TENM4: variants seen among roughly 807,000 people sequenced by gnomAD.
TENM4 encodes the protein teneurin-4.
TENM4 carries 82 observed loss-of-function variants against 243.3 expected under a neutral mutation model. The observed-to-expected ratio is 0.34, with a 90% confidence interval of 0.28 to 0.40. TENM4 has a LOEUF of 0.40. Ranked by LOEUF, TENM4 falls within the 10% of genes least tolerant of loss-of-function variation. TENM4 has a pLI of 1.00. For synonymous variants in TENM4, 1,412 were observed against 1,456.3 expected (o/e 0.97, Z 0.69); for missense variants, 3,138 against 3,673.3 (o/e 0.85, Z 3.77).
Position 79,424,795 on chromosome 11 carries a change from G to A in TENM4, c.-321+15714C>T, listed in dbSNP as rs181593472. On this transcript the variant is annotated intron_variant, in intron 1 of 33. Coordinates refer to ENST00000278550, the MANE Select transcript of TENM4 (RefSeq NM_001098816.3). ...TAAAAATACAAAAAATTAGCCAGGCGTGGTGGCGGACGCCTATTGTCCCAG... is the reference window on the plus strand; with the variant it reads ...TAAAAATACAAAAAATTAGCCAGGCATGGTGGCGGACGCCTATTGTCCCAG... Among the ~76,000 whole-genome samples the A allele has an allele frequency of 1.6e-4, 24 of 152,118 alleles. No homozygotes were observed. In the East Asian group the frequency reaches 4.5e-3, roughly 28 times the overall value.
At chr11:78,804,766 A>G (rs1048681214) in intron 15 of TENM4, among the ~76,000 whole-genome samples, 3 of 152,150 alleles carry the variant, frequency 2.0e-5, no homozygotes, top group Non-Finnish European at 4.4e-5. Flanking sequence ...TGAACAAGAC[A>G]TGTTTGCTAC....
At chr11:79,283,524 A>C (rs984469156) in intron 2 of TENM4, among the ~76,000 whole-genome samples, 1 of 152,168 alleles carries the variant, frequency 6.6e-6, no homozygotes, top group Non-Finnish European at 1.5e-5. Context: ...TCCTTTTGTG[A>C]CAAAAAAACC....
intron 19 of TENM4, chr11:78,756,585 A>T: frequency 1.8e-6 from 1 of 541,440 alleles, no homozygotes; most frequent in Non-Finnish European, 3.3e-6. Flanking sequence ...CAGTGGGAGC[A>T]ACAAAACTTT....
intron 2 of TENM4, among the ~76,000 whole-genome samples, chr11:79,244,195 G>A (rs1855474218): frequency 6.6e-6 from 1 of 152,202 alleles, no homozygotes; most frequent in Non-Finnish European, 1.5e-5. Flanking sequence ...AGTCCCAGGT[G>A]AGGCTAATGC....
At position 79,440,219 on chromosome 11, in the gene TENM4, T is replaced by G. The variant is rs1859374177; in HGVS notation, c.-321+290A>C. On this transcript the variant is annotated intron_variant, in intron 1 of 33. Transcript: ENST00000278550. The surrounding 1 kb of genome is among the most constrained non-coding windows in gnomAD (Gnocchi z 4.7). ...GGCGCGCCGCCTCCCTCCCACCCGC[T>G]TCCCACCTCCCTGCCCTCCCCCAAC... Among the ~76,000 whole-genome samples, 3 of 144,144 alleles carry G rather than the reference T, an allele frequency of 2.1e-5. No individual in the cohort carries two copies. Among genetic ancestry groups the G allele is most frequent in the East Asian group, 2.3e-4 (1 of 4,418 alleles). The allele number at this position is 144,144 out of a possible 152,430, so 94.6% of individuals were successfully genotyped here. A position where few individuals can be genotyped will look rare whatever the true frequency, so the allele number is the denominator to read the frequency against.
intron 1 of TENM4, among the ~76,000 whole-genome samples, chr11:79,322,315 C>T (rs1337059381): frequency 6.6e-6 from 1 of 152,156 alleles, no homozygotes; most frequent in Non-Finnish European, 1.5e-5. Flanking sequence ...TAAAAGAGCC[C>T]TATGCCCGGC....
At chr11:79,279,796 C>T (rs1391134768) in intron 2 of TENM4, among the ~76,000 whole-genome samples, 1 of 152,150 alleles carries the variant, frequency 6.6e-6, no homozygotes, top group Non-Finnish European at 1.5e-5. Context: ...ATCAAATATC[C>T]TCTTGCTATG....
chr11:79,161,213 G>A (rs1029012198), intron 3 of TENM4, among the ~76,000 whole-genome samples: 5 of 152,158 alleles, frequency 3.3e-5, no homozygotes, highest in African/African-American at 1.2e-4. Flanking sequence ...AAGCAGCCAC[G>A]CCAGTGTCTA....
intron 4 of TENM4, among the ~76,000 whole-genome samples, chr11:79,118,319 T>C (rs939091221): frequency 6.6e-6 from 1 of 152,238 alleles, no homozygotes; most frequent in Non-Finnish European, 1.5e-5. Context: ...TCTTTAGAGA[T>C]GACATTTTAT....
At chr11:79,316,858 A>G (rs1305517277) in intron 1 of TENM4, among the ~76,000 whole-genome samples, 1 of 152,238 alleles carries the variant, frequency 6.6e-6, no homozygotes, top group East Asian at 1.9e-4. Flanking sequence ...TTTGGAAAGA[A>G]ATAAGCAGAG....
At chr11:78,729,772 A>G in intron 21 of TENM4, 129 bp from the exon 22 acceptor site, 1 of 1,215,126 alleles carries the variant, frequency 8.2e-7, no homozygotes, top group Non-Finnish European at 1.1e-6. Flanking sequence ...GAGGAGGGGA[A>G]AAAAAGAGGA....
intron 1 of TENM4, among the ~76,000 whole-genome samples, chr11:79,394,894 G>C (rs912898510): frequency 1.3e-5 from 2 of 152,148 alleles, no homozygotes; most frequent in Non-Finnish European, 2.9e-5. Flanking sequence ...TCAGCTGCAA[G>C]CCAAGGAGCA....
At chr11:78,756,505 G>A (rs1856308244) in intron 19 of TENM4, 2 of 376,724 alleles carry the variant, frequency 5.3e-6, no homozygotes, top group Non-Finnish European at 1.0e-5. Context: ...AGTAAGAGCT[G>A]ACTGCAAAGT....
At chr11:79,223,045 A>G (rs1864194517) in intron 2 of TENM4, among the ~76,000 whole-genome samples, 1 of 152,118 alleles carries the variant, frequency 6.6e-6, no homozygotes, top group South Asian at 2.1e-4. Flanking sequence ...ATTAATAACT[A>G]GGTGATGGGT....
At position 79,067,450 on chromosome 11, in the gene TENM4, G is replaced by C. The variant is rs566022582; in HGVS notation, c.223+2272C>G. On this transcript the variant is annotated intron_variant, in intron 5 of 33. Transcript: ENST00000278550. ...TCTGTTCGGCCGGCCCTCTCAAAGA[G>C]AAGCCACTCACGTGTTATGAAGAAT... 1.2e-4 allele frequency among the ~76,000 whole-genome samples: 18 copies of C among 152,278 alleles called. No homozygotes were observed. In the East Asian group the frequency reaches 2.7e-3, roughly 23 times the overall value.
Position 79,215,823 on chromosome 11 carries a change from C to G in TENM4, c.-178G>C, listed in dbSNP as rs1283783547. The G allele has an allele frequency of 1.0e-6, 1 of 985,692 alleles. No homozygotes were observed. Among genetic ancestry groups the G allele is most frequent in the African/African-American group, 1.7e-5 (1 of 57,214 alleles). 61.1% of individuals were successfully genotyped at this position (985,692 alleles called of 1,614,324 possible). On this transcript the variant is annotated 5_prime_UTR_variant, in exon 3 of 34. Transcript: ENST00000278550. ...GGGGACTGACCTGGCTCCATGTCAGCACGTTCTGAAGAGTCAGCAATGTCC... is the reference window on the plus strand; with the variant it reads ...GGGGACTGACCTGGCTCCATGTCAGGACGTTCTGAAGAGTCAGCAATGTCC...
intron 3 of TENM4, among the ~76,000 whole-genome samples, chr11:79,181,909 A>G (rs926404971): frequency 1.3e-5 from 2 of 151,312 alleles, no homozygotes; most frequent in South Asian, 2.1e-4. Flanking sequence ...TACAATATCT[A>G]TATGAGGAAA....
chr11:79,255,645 C>A (rs574301566), intron 2 of TENM4, among the ~76,000 whole-genome samples: 12 of 152,244 alleles, frequency 7.9e-5, no homozygotes, highest in Non-Finnish European at 1.6e-4. Flanking sequence ...GTTAGGGAAG[C>A]CAATGAGTTT....
At chr11:78,725,987 C>A in intron 23 of TENM4, 92 bp downstream of exon 23, 7 of 1,538,658 alleles carry the variant, frequency 4.5e-6, no homozygotes, top group Non-Finnish European at 6.2e-6. Context: ...CTATGGGATT[C>A]AAAATGTGAA....
Sources: gnomAD v4.1 joint callset for allele counts (sites outside exome capture counted in the v4.1 genomes callset) on GRCh38, gnomAD v4.1.1 for gene constraint, Gnocchi (gnomAD v3.1) non-coding constraint, MANE v1.5 for transcripts, NCBI Gene and HGNC (gene_info 2026-07-23, HGNC 2026-07-21) for gene names.